The following CHN2 variants were observed in gnomAD, a reference collection of about 807,000 sequenced individuals.
The protein encoded by CHN2 is beta-chimaerin.
In CHN2, 35 loss-of-function variants were observed where a neutral mutation model predicts 56.3. That is an observed-to-expected ratio of 0.62 (90% CI 0.47 to 0.82). The LOEUF is 0.82. CHN2 is among the 40% of genes least tolerant of loss of function. The pLI, the probability that CHN2 is intolerant of heterozygous loss-of-function variation, is 0.00. For missense variants in CHN2, 491 were observed against 580.5 expected, an observed-to-expected ratio of 0.85 and a Z score of 1.58; for synonymous variants, 210 against 212.8, an observed-to-expected ratio of 0.99 and a Z score of 0.12.
At chr7:29,217,632 G>A (rs557342838) in intron 1 of CHN2, among the ~76,000 whole-genome samples, 3 of 152,278 alleles carry the variant, frequency 2.0e-5, no homozygotes, top group African/African-American at 4.8e-5. Context: ...TGGGATATAG[G>A]TTATAGAATG....
chr7:29,207,260 A>G (rs1784585782), intron 1 of CHN2, among the ~76,000 whole-genome samples: 1 of 152,198 alleles, frequency 6.6e-6, no homozygotes, highest in African/African-American at 2.4e-5. Context: ...ATCAGATGGG[A>G]GGCATTTCAA....
At chr7:29,385,966 G>A (rs953293450) in intron 3 of CHN2, among the ~76,000 whole-genome samples, 2 of 152,172 alleles carry the variant, frequency 1.3e-5, no homozygotes, top group Admixed American at 1.3e-4. Context: ...ACTTAGCAAA[G>A]CAATTGGTCA....
chr7:29,343,650 C>T (rs905906823), intron 1 of CHN2, among the ~76,000 whole-genome samples: 4 of 152,014 alleles, frequency 2.6e-5, no homozygotes, highest in Admixed American at 2.0e-4. Context: ...CCTTTCATGT[C>T]GCCCCATCTT....
intron 6 of CHN2, among the ~76,000 whole-genome samples, chr7:29,476,590 A>G (rs556936777): frequency 6.6e-6 from 1 of 152,154 alleles, no homozygotes; most frequent in African/African-American, 2.4e-5. Context: ...TATATATGCA[A>G]AGCGCTGAGT....
rs541266776 is a variant in CHN2 at position 29,380,093 on chromosome 7, G to A, written c.144+12106G>A. ...CTGAATCTGCTGCTATCCCTGGGCA[G>A]GACTGTGGGCAAATTAGTTAATCAC... On this transcript the variant is annotated intron_variant, in intron 3 of 12. Transcript: ENST00000222792. 3.9e-5 allele frequency among the ~76,000 whole-genome samples: 6 copies of A among 152,320 alleles called. No homozygotes were observed. The South Asian group carries it at 1.2e-3, about 32-fold the overall frequency.
intron 1 of CHN2, among the ~76,000 whole-genome samples, chr7:29,273,806 C>A (rs1004236705): frequency 6.6e-6 from 1 of 152,056 alleles, no homozygotes; most frequent in African/African-American, 2.4e-5. Context: ...GATTTCATAT[C>A]TGCTTCTACA....
At chr7:29,388,443 T>C (rs1287133069) in intron 3 of CHN2, among the ~76,000 whole-genome samples, 1 of 152,234 alleles carries the variant, frequency 6.6e-6, no homozygotes, top group Non-Finnish European at 1.5e-5. Context: ...AGCAACTGAC[T>C]GGCTGTCTGC....
chr7:29,272,379 C>T (rs912698180), intron 1 of CHN2, among the ~76,000 whole-genome samples: 2 of 152,190 alleles, frequency 1.3e-5, no homozygotes, highest in Non-Finnish European at 2.9e-5. Flanking sequence ...GCCATTCTCT[C>T]TGCCTTGCCA....
At chr7:29,511,866 G>A (rs1791477187) in intron 12 of CHN2, among the ~76,000 whole-genome samples, 1 of 152,146 alleles carries the variant, frequency 6.6e-6, no homozygotes, top group Non-Finnish European at 1.5e-5. Context: ...TGAGGAAGGT[G>A]TTAAACCAGC....
chr7:29,391,220 T>C (rs1438673290), intron 3 of CHN2, among the ~76,000 whole-genome samples: 1 of 151,942 alleles, frequency 6.6e-6, no homozygotes, highest in African/African-American at 2.4e-5. Context: ...ATCTTTACTC[T>C]CTCTTACTTC....
rs1331312021 is a variant in CHN2 at position 29,258,881 on chromosome 7, C to A, written c.49+63891C>A. ...TCCCACTTCCATCTTTCTATCTTTA[C>A]AAGTGTGAAATAGCATATGTATTAG... is the stretch of plus-strand genomic sequence containing the variant. On this transcript the variant is annotated intron_variant, in intron 1 of 12. Transcript: ENST00000222792. Among the ~76,000 whole-genome samples the A allele has an allele frequency of 2.0e-5, 3 of 152,154 alleles. No individual in the cohort carries two copies. The East Asian group carries it at 5.8e-4, about 29-fold the overall frequency.
intron 6 of CHN2, among the ~76,000 whole-genome samples, chr7:29,438,936 C>T (rs926162360): frequency 1.3e-5 from 2 of 152,292 alleles, no homozygotes; most frequent in South Asian, 2.1e-4. Flanking sequence ...GGCACTGATA[C>T]TGTTTTCCTA....
At chr7:29,234,832 T>G (rs1054889136) in intron 1 of CHN2, among the ~76,000 whole-genome samples, 1 of 152,230 alleles carries the variant, frequency 6.6e-6, no homozygotes, top group East Asian at 1.9e-4. Context: ...AACATTAGCA[T>G]GATGGTTATT....
intron 6 of CHN2, among the ~76,000 whole-genome samples, chr7:29,457,855 T>TA (rs1316564188): frequency 2.6e-5 from 4 of 152,210 alleles, no homozygotes; most frequent in African/African-American, 9.7e-5. Context: ...TGTGCAGCTG[T>TA]ACTGGGGACC....
At chr7:29,334,055 T>C (rs1364360953) in intron 1 of CHN2, among the ~76,000 whole-genome samples, 2 of 147,808 alleles carry the variant, frequency 1.4e-5, no homozygotes, top group East Asian at 2.0e-4. Context: ...TTTTCTTTTT[T>C]TTTTTTTTTT....
intron 1 of CHN2, among the ~76,000 whole-genome samples, chr7:29,242,328 G>A (rs1025302127): frequency 3.9e-5 from 6 of 152,152 alleles, no homozygotes; most frequent in Admixed American, 2.0e-4. Context: ...TCTCTCTGGC[G>A]TTGTTGAGAG....
At chr7:29,409,864 G>C (rs1000885107) in intron 6 of CHN2, among the ~76,000 whole-genome samples, 1 of 152,206 alleles carries the variant, frequency 6.6e-6, no homozygotes, top group Non-Finnish European at 1.5e-5. Flanking sequence ...CTCCAGAGTG[G>C]TGTTTGAGAG....
intron 6 of CHN2, among the ~76,000 whole-genome samples, chr7:29,413,870 C>G (rs1803474562): frequency 1.3e-5 from 2 of 152,322 alleles, no homozygotes; most frequent in East Asian, 1.9e-4. Flanking sequence ...TATCGGTACT[C>G]AGTGTCCTTG....
chr7:29,259,837 G>T (rs1265676448), intron 1 of CHN2, among the ~76,000 whole-genome samples: 1 of 152,042 alleles, frequency 6.6e-6, no homozygotes, highest in Non-Finnish European at 1.5e-5. Context: ...CATACATCTT[G>T]AATATATGGA....
Sources: allele counts gnomAD v4.1 joint callset (sites outside exome capture counted in the v4.1 genomes callset), GRCh38; gene constraint gnomAD v4.1.1; transcripts MANE v1.5; gene names NCBI Gene and HGNC (gene_info 2026-07-23, HGNC 2026-07-21).